Variants in EFL1 observed in about 807,000 individuals in gnomAD.
The protein encoded by EFL1 is elongation factor like GTPase 1.
EFL1 carries 76 observed loss-of-function variants against 126.7 expected under a neutral mutation model. The ratio of observed to expected loss-of-function variants is 0.60; its 90% CI spans 0.50 to 0.73. The LOEUF is 0.73. EFL1 is among the 30% of genes least tolerant of loss of function. EFL1 has a pLI of 0.00. For synonymous variants in EFL1, 410 were observed against 448.4 expected, an observed-to-expected ratio of 0.91 and a Z score of 1.08; for missense variants, 1,128 against 1,343.2, an observed-to-expected ratio of 0.84 and a Z score of 2.50.
At position 82,157,781 on chromosome 15, in the gene EFL1, C is replaced by T. The variant is rs369620042; in HGVS notation, c.1962G>A (p.Thr654=). The T allele has an allele frequency of 3.5e-5, 57 of 1,613,984 alleles. No homozygotes were observed. In the East Asian group the frequency reaches 8.7e-4, roughly 25 times the overall value. ...CTGCTGTGACTAAAACGTGCTCTCC[C>T]GTTTCCTGAATTAAAATCTGGACAC... ...DPCVQILIQE[T]GEHVLVTAGE... The change falls in exon 17 of 20, where the codon ACG becomes ACA. Residue 654 remains threonine (T), a synonymous_variant. Coordinates refer to ENST00000268206, the MANE Select transcript of EFL1 (RefSeq NM_024580.6).
At chr15:82,217,073 TAA>T (rs773725102) in intron 14 of EFL1, among the ~76,000 whole-genome samples, 6 of 151,834 alleles carry the variant, frequency 4.0e-5, no homozygotes, top group Non-Finnish European at 2.9e-5. Context: ...ATAAACACAT[TAA>T]AAGAGTTATA....
intron 18 of EFL1, among the ~76,000 whole-genome samples, chr15:82,143,502 T>G (rs1421316503): frequency 1.3e-5 from 2 of 152,212 alleles, no homozygotes; most frequent in African/African-American, 4.8e-5. Context: ...GTACTTATTC[T>G]TATACACCAG....
intron 15 of EFL1, among the ~76,000 whole-genome samples, chr15:82,198,898 G>A (rs1375008396): frequency 3.9e-5 from 6 of 152,058 alleles, no homozygotes; most frequent in Non-Finnish European, 8.8e-5. Flanking sequence ...CCCAGTATGA[G>A]AAACCTAACC....
At chr15:82,245,530 T>C (rs2074964303) in intron 4 of EFL1, among the ~76,000 whole-genome samples, 1 of 152,152 alleles carries the variant, frequency 6.6e-6, no homozygotes, top group African/African-American at 2.4e-5. Flanking sequence ...CGACTTATTA[T>C]TTGACAGAAC....
At chr15:82,182,553 G>A (rs1338443600) in intron 15 of EFL1, among the ~76,000 whole-genome samples, 1 of 152,170 alleles carries the variant, frequency 6.6e-6, no homozygotes, top group African/African-American at 2.4e-5. Context: ...GCTGGGCGCG[G>A]TGGCTCATGC....
At position 82,138,430 on chromosome 15, in the gene EFL1, A is replaced by G. The variant is rs142246972; in HGVS notation, c.3174+228T>C. 5.8e-3 allele frequency among the ~76,000 whole-genome samples: 843 copies of G among 146,072 alleles called. 21 individuals are homozygous for G. The highest frequency in any genetic ancestry group is 0.042 in the Admixed American group (605 of 14,562). On this transcript the variant is annotated intron_variant, in intron 19 of 19. Coordinates refer to ENST00000268206, the MANE Select transcript of EFL1 (RefSeq NM_024580.6). Reference sequence around the variant, plus strand: ...AATGAGAGAGAGAGAGAGAGAGTGTATGTGTGTGTGTGTGTGTGTGTGTGT... The same window carrying G: ...AATGAGAGAGAGAGAGAGAGAGTGTGTGTGTGTGTGTGTGTGTGTGTGTGT...
intron 17 of EFL1, among the ~76,000 whole-genome samples, chr15:82,156,883 G>A (rs1212601508): frequency 6.6e-6 from 1 of 152,152 alleles, no homozygotes; most frequent in Admixed American, 6.5e-5. Context: ...TTCAAGATTG[G>A]TGAAATTTTT....
rs754879643 is a variant in EFL1 at position 82,158,680 on chromosome 15, C to T, written c.1883-820G>A. Among the ~76,000 whole-genome samples the T allele has an allele frequency of 5.3e-5, 8 of 152,186 alleles. No individual in the cohort carries two copies. In the East Asian group the frequency reaches 1.5e-3, roughly 29 times the overall value. Reference sequence around the variant, plus strand: ...TCAGCATGTCAAACAAACAAAATCACAGGAACTTTCTGCAATGCAATGATT... The same window carrying T: ...TCAGCATGTCAAACAAACAAAATCATAGGAACTTTCTGCAATGCAATGATT... On this transcript the variant is annotated intron_variant, in intron 16 of 19. Transcript: ENST00000268206.
intron 16 of EFL1, among the ~76,000 whole-genome samples, chr15:82,163,144 T>G (rs2074040683): frequency 6.6e-6 from 1 of 152,168 alleles, no homozygotes; most frequent in Non-Finnish European, 1.5e-5. Context: ...GACGGGAAAT[T>G]CTCAGTGTGC....
intron 17 of EFL1, among the ~76,000 whole-genome samples, chr15:82,152,651 G>A (rs1016508263): frequency 5.3e-5 from 8 of 151,060 alleles, no homozygotes; most frequent in African/African-American, 1.9e-4. Context: ...ATCCTTGCAT[G>A]TACTGGAATT....
chr15:82,246,466 T>C (rs1421753500), intron 4 of EFL1, among the ~76,000 whole-genome samples: 2 of 152,130 alleles, frequency 1.3e-5, no homozygotes, highest in Admixed American at 6.5e-5. Context: ...CTAGTCTCAT[T>C]ATCGGAGTAA....
At chr15:82,130,911 A>C (rs1293125909) in intron 19 of EFL1, among the ~76,000 whole-genome samples, 1 of 152,166 alleles carries the variant, frequency 6.6e-6, no homozygotes, top group Non-Finnish European at 1.5e-5. Context: ...GCTACTAGGG[A>C]GGCTGAGGCA....
At chr15:82,233,989 T>C (rs894015606) in intron 7 of EFL1, among the ~76,000 whole-genome samples, 1 of 152,188 alleles carries the variant, frequency 6.6e-6, no homozygotes, top group Admixed American at 6.5e-5. Flanking sequence ...GTAGCCAATC[T>C]CTAAATCTGA....
intron 15 of EFL1, among the ~76,000 whole-genome samples, chr15:82,177,132 G>C (rs1265558157): frequency 6.6e-6 from 1 of 152,042 alleles, no homozygotes; most frequent in South Asian, 2.1e-4. Context: ...TCTGGGTCTG[G>C]GTACTAGTTA....
intron 4 of EFL1, among the ~76,000 whole-genome samples, chr15:82,252,375 G>A: frequency 6.6e-6 from 1 of 152,224 alleles, no homozygotes; most frequent in East Asian, 1.9e-4. Context: ...ATGCAGGCCA[G>A]GCCATGAGGC....
intron 16 of EFL1, among the ~76,000 whole-genome samples, chr15:82,162,666 G>C (rs2074035736): frequency 6.6e-6 from 1 of 152,214 alleles, no homozygotes; most frequent in Non-Finnish European, 1.5e-5. Context: ...CCTATCTCGA[G>C]GCTGAAGGCA....
intron 15 of EFL1, among the ~76,000 whole-genome samples, chr15:82,191,641 G>A (rs1197097925): frequency 6.6e-6 from 1 of 150,938 alleles, no homozygotes; most frequent in African/African-American, 2.5e-5. Flanking sequence ...ATCTTACTGG[G>A]ATCATTTCAG....
chr15:82,250,940 G>A (rs111513848), intron 4 of EFL1, among the ~76,000 whole-genome samples: 5,554 of 152,240 alleles, frequency 0.036, 147 homozygotes, highest in Non-Finnish European at 0.061. Context: ...GGCTGGGCGC[G>A]GTGGCTCCCG....
rs746641645 is a variant in EFL1, at chr15:82,130,343, T to C, written c.*30A>G. 240 of 1,603,832 alleles carry C rather than the reference T, an allele frequency of 1.5e-4. No homozygotes were observed. The highest frequency in any genetic ancestry group is 6.5e-4 in the Admixed American group (38 of 58,462). On this transcript the variant is annotated 3_prime_UTR_variant, in exon 20 of 20. Transcript: ENST00000268206. The stretch of plus-strand genomic sequence containing the variant: ...CTTGATGATACTTTTAAATTCACTA[T>C]AAGGAAAAGAATCCACCAGTAGTAG...
Sources: allele counts gnomAD v4.1 joint callset (sites outside exome capture counted in the v4.1 genomes callset), GRCh38; gene constraint gnomAD v4.1.1; transcripts MANE v1.5; gene names NCBI Gene and HGNC (gene_info 2026-07-23, HGNC 2026-07-21).